The following LINGO1 variants were observed in gnomAD, a reference collection of about 807,000 sequenced individuals.
LINGO1 encodes leucine-rich repeat and immunoglobulin-like domain-containing nogo receptor-interacting protein 1.
In LINGO1, 11 loss-of-function variants were observed where a neutral mutation model predicts 37.3. The observed-to-expected ratio is 0.29, with a 90% confidence interval of 0.19 to 0.49. The LOEUF (loss-of-function observed/expected upper bound fraction) is 0.49. LINGO1 is among the 20% of genes least tolerant of loss of function. The pLI is 0.99. For synonymous variants in LINGO1, 387 were observed against 403.0 expected (o/e 0.96, Z 0.48); for missense variants, 585 against 878.2 (o/e 0.67, Z 4.22).
chr15:77,777,463 A>G (rs147267029), intron 1 of LINGO1, among the ~76,000 whole-genome samples: 2 of 52,994 alleles, frequency 3.8e-5, no homozygotes, highest in Admixed American at 1.7e-4. Flanking sequence ...ATATACACAC[A>G]CGCACACACA....
chr15:77,622,402 G>A (rs1463805425), intron 1 of LINGO1, among the ~76,000 whole-genome samples: 8 of 152,156 alleles, frequency 5.3e-5, no homozygotes, highest in Admixed American at 5.2e-4. Flanking sequence ...CCCACCACCT[G>A]TGCCTATCAG....
rs531550521 is a variant in LINGO1 at position 77,693,816 on chromosome 15, G to C, written c.-281+2575C>G. Reference sequence around the variant, plus strand: ...AGGGGGTGGAGGTAAGAAAAGGAGAGTAATGAAGGAAGACTCGTGGAGCTT... The same window carrying C: ...AGGGGGTGGAGGTAAGAAAAGGAGACTAATGAAGGAAGACTCGTGGAGCTT... On this transcript the variant is annotated intron_variant, in intron 1 of 3. Coordinates refer to the LINGO1 transcript ENST00000559893. 1.2e-4 allele frequency among the ~76,000 whole-genome samples: 18 copies of C among 152,220 alleles called. No homozygotes were observed. The South Asian group carries it at 2.1e-3, about 18-fold the overall frequency.
chr15:77,778,772 C>T (rs2076686660), intron 1 of LINGO1, among the ~76,000 whole-genome samples: 1 of 152,212 alleles, frequency 6.6e-6, no homozygotes, highest in Admixed American at 6.5e-5. Flanking sequence ...TACTTCTGTC[C>T]TGCCTCCCAC....
At chr15:77,768,352 G>A (rs981418136) in intron 1 of LINGO1, among the ~76,000 whole-genome samples, 1 of 152,164 alleles carries the variant, frequency 6.6e-6, no homozygotes, top group Admixed American at 6.5e-5. Flanking sequence ...CCCGCCAGAG[G>A]CCTCCTGAAC....
intron 1 of LINGO1, among the ~76,000 whole-genome samples, chr15:77,818,563 C>T (rs1183995807): frequency 1.3e-5 from 2 of 152,086 alleles, no homozygotes; most frequent in African/African-American, 4.8e-5. Context: ...GGGTGGGGCG[C>T]GCCTTGCGGC....
intron 3 of LINGO1, among the ~76,000 whole-genome samples, chr15:77,658,151 G>A (rs376102400): frequency 2.0e-5 from 3 of 152,200 alleles, no homozygotes; most frequent in South Asian, 2.1e-4. Context: ...ACACTTCCCC[G>A]TCAGCAGGGC....
At chr15:77,774,767 T>C (rs550552982) in intron 1 of LINGO1, among the ~76,000 whole-genome samples, 2 of 152,130 alleles carry the variant, frequency 1.3e-5, no homozygotes, top group East Asian at 1.9e-4. Flanking sequence ...TGACCCTGTA[T>C]TGGGTCCTGA....
chr15:77,777,470 C>T (rs1365627039), intron 1 of LINGO1, among the ~76,000 whole-genome samples: 40 of 28,666 alleles, frequency 1.4e-3, no homozygotes, highest in African/African-American at 3.4e-3. Flanking sequence ...CACACGCACA[C>T]ACACACACAC....
At chr15:77,625,181 C>A (rs2074051484) in intron 1 of LINGO1, among the ~76,000 whole-genome samples, 1 of 152,166 alleles carries the variant, frequency 6.6e-6, no homozygotes, top group African/African-American at 2.4e-5. Context: ...CACAGCCTCA[C>A]AGACTGAGGC....
At chr15:77,752,116 C>T (rs1395703940) in intron 1 of LINGO1, among the ~76,000 whole-genome samples, 2 of 152,198 alleles carry the variant, frequency 1.3e-5, no homozygotes, top group East Asian at 3.9e-4. Flanking sequence ...TTACCCCATG[C>T]TGCACCTGTG....
intron 1 of LINGO1, among the ~76,000 whole-genome samples, chr15:77,743,659 C>T (rs562412419): frequency 1.2e-4 from 19 of 152,270 alleles, no homozygotes; most frequent in African/African-American, 3.9e-4. Flanking sequence ...GCAAAAGCAT[C>T]GTGTTCAGGG....
At chr15:77,768,424 G>A (rs564276439) in intron 1 of LINGO1, among the ~76,000 whole-genome samples, 2 of 152,260 alleles carry the variant, frequency 1.3e-5, no homozygotes, top group South Asian at 4.2e-4. Context: ...CCAGGCACTG[G>A]GGACAAGACT....
upstream of LINGO1, among the ~76,000 whole-genome samples, chr15:77,791,179 G>A (rs2141445062): frequency 6.6e-6 from 1 of 152,320 alleles, no homozygotes; most frequent in South Asian, 2.1e-4. Context: ...TGTTTGGGAA[G>A]AGCTTTGACA....
intron 1 of LINGO1, among the ~76,000 whole-genome samples, chr15:77,774,100 C>T (rs577098671): frequency 3.9e-5 from 6 of 152,206 alleles, no homozygotes; most frequent in South Asian, 2.1e-4. Context: ...CCATGGGCAT[C>T]GATGCCCTCT....
At chr15:77,636,951 G>A (rs534829402), upstream of LINGO1, among the ~76,000 whole-genome samples, 2 of 152,322 alleles carry the variant, frequency 1.3e-5, no homozygotes. Context: ...GGGGGCTAGC[G>A]GGACAGTCCC....
intron 1 of LINGO1, among the ~76,000 whole-genome samples, chr15:77,738,172 C>G (rs960890339): frequency 6.6e-6 from 1 of 152,184 alleles, no homozygotes; most frequent in African/African-American, 2.4e-5. Context: ...AGCTCCTCTG[C>G]CCCGCCCTGG....
Position 77,623,830 on chromosome 15 carries a change from C to CTG in LINGO1, c.7-7932_7-7931dup, listed in dbSNP as rs546359026. Among the ~76,000 whole-genome samples the CTG allele has an allele frequency of 1.9e-3, 289 of 150,016 alleles. 11 individuals are homozygous for CTG. The South Asian group carries it at 0.044, about 23-fold the overall frequency. ...AAAAGTTGTTGGGCCCCCGGGGTGT[C>CTG]TGTGTGTGTGTGTGTGAGTGGCCTG... On this transcript the variant is annotated intron_variant, in intron 1 of 1. Coordinates refer to ENST00000355300, the MANE Select transcript of LINGO1 (RefSeq NM_032808.7).
chr15:77,655,040 C>T (rs2074838816), intron 3 of LINGO1, among the ~76,000 whole-genome samples: 2 of 152,180 alleles, frequency 1.3e-5, no homozygotes, highest in South Asian at 2.1e-4. Flanking sequence ...CCCACTCAGC[C>T]CCTAGGGGAG....
intron 1 of LINGO1, among the ~76,000 whole-genome samples, chr15:77,617,167 G>A (rs1361748798): frequency 6.6e-6 from 1 of 152,182 alleles, no homozygotes; most frequent in African/African-American, 2.4e-5. Context: ...GCTGCAGGTG[G>A]AGTGAGCAAG....
Sources: gnomAD v4.1 joint callset for allele counts (sites outside exome capture counted in the v4.1 genomes callset) on GRCh38, gnomAD v4.1.1 for gene constraint, MANE v1.5 for transcripts, NCBI Gene and HGNC (gene_info 2026-07-23, HGNC 2026-07-21) for gene names.